The following ADGRV1 variants were observed in gnomAD, a reference collection of about 807,000 sequenced individuals.
ADGRV1 encodes G-protein coupled receptor 98.
A neutral mutation model predicts 596.2 loss-of-function variants in ADGRV1; 359 were observed. The observed-to-expected ratio is 0.60, with a 90% CI of 0.55 to 0.66. The LOEUF is 0.66. ADGRV1 is among the 30% of genes least tolerant of loss of function. ADGRV1 has a pLI of 0.00. For synonymous variants in ADGRV1, 2,681 were observed against 2,679.2 expected (o/e 1.00, Z -0.02); for missense variants, 7,274 against 7,575.6 (o/e 0.96, Z 1.48).
At chr5:90,634,060 T>A (rs1287935006) in intron 9 of ADGRV1, among the ~76,000 whole-genome samples, 1 of 152,082 alleles carries the variant, frequency 6.6e-6, no homozygotes, top group East Asian at 1.9e-4. Flanking sequence ...CTTTAAAGAG[T>A]GGCAGAGACA....
chr5:90,879,344 C>T (rs961836883), intron 83 of ADGRV1, among the ~76,000 whole-genome samples: 1 of 152,056 alleles, frequency 6.6e-6, no homozygotes, highest in Non-Finnish European at 1.5e-5. Context: ...AGTATCAGTA[C>T]ACAGGGTGAA....
At chr5:90,645,683 G>C (rs1272355192) in intron 15 of ADGRV1, among the ~76,000 whole-genome samples, 1 of 152,090 alleles carries the variant, frequency 6.6e-6, no homozygotes, top group Non-Finnish European at 1.5e-5. Flanking sequence ...TATGACCTCT[G>C]TGGTATATCA....
rs763411569 is a variant in ADGRV1 at position 90,637,720 on chromosome 5, A to T, written c.2017-5A>T. The T allele has an allele frequency of 6.4e-7, 1 of 1,565,870 alleles. No homozygotes were observed. On this transcript the variant is annotated splice_region_variant and splice_polypyrimidine_tract_variant and intron_variant, in intron 10 of 89. Transcript: ENST00000405460. Reference sequence around the variant, plus strand: ...GAAATTGTTCTGTTCTTTTCTTTTTATAAGGTATACATTCCCTTACATCGG... The same window carrying T: ...GAAATTGTTCTGTTCTTTTCTTTTTTTAAGGTATACATTCCCTTACATCGG...
intron 34 of ADGRV1, among the ~76,000 whole-genome samples, chr5:90,700,209 A>G (rs1271205896): frequency 6.6e-6 from 1 of 152,182 alleles, no homozygotes; most frequent in Admixed American, 6.5e-5. Flanking sequence ...TTCAGAGATA[A>G]CCGCTAAACA....
chr5:90,662,936 T>G (rs1341321631), intron 21 of ADGRV1, among the ~76,000 whole-genome samples: 1 of 150,970 alleles, frequency 6.6e-6, no homozygotes, highest in African/African-American at 2.4e-5. Context: ...ACAAAGGACA[T>G]GAACTCATCA....
At chr5:90,865,950 T>C (rs1473677306) in intron 83 of ADGRV1, among the ~76,000 whole-genome samples, 2 of 152,134 alleles carry the variant, frequency 1.3e-5, no homozygotes, top group East Asian at 3.9e-4. Context: ...AATGTTATAT[T>C]GTCATTTTTG....
At chr5:90,817,441 G>T (rs1366460511) in intron 75 of ADGRV1, among the ~76,000 whole-genome samples, 5,292 of 148,002 alleles carry the variant, frequency 0.036, 300 homozygotes, top group African/African-American at 0.12. Context: ...GTCAATTTTG[G>T]CTTTTGTTGC....
At chr5:90,779,362 T>C in intron 64 of ADGRV1, 1 of 221,258 alleles carries the variant, frequency 4.5e-6, no homozygotes, top group African/African-American at 2.3e-5. Flanking sequence ...GCCAGGAAGT[T>C]GAATATGATA....
chr5:91,127,239 T>C (rs1205694867), intron 87 of ADGRV1, among the ~76,000 whole-genome samples: 2 of 152,156 alleles, frequency 1.3e-5, no homozygotes, highest in Non-Finnish European at 2.9e-5. Context: ...GACTTCATAT[T>C]TGTCAAATAA....
At chr5:90,654,106 A>T in intron 20 of ADGRV1, 154 bp downstream of exon 20, 1 of 795,220 alleles carries the variant, frequency 1.3e-6, no homozygotes, top group South Asian at 1.7e-5. Flanking sequence ...GCCTACCAAG[A>T]TAATGAGAAA....
intron 70 of ADGRV1, among the ~76,000 whole-genome samples, chr5:90,798,459 A>G (rs1760990730): frequency 6.6e-6 from 1 of 152,236 alleles, no homozygotes; most frequent in Non-Finnish European, 1.5e-5. Context: ...AAAAAAGTCC[A>G]GGCCAAGACG....
chr5:90,884,844 G>T (rs1200426926), intron 83 of ADGRV1, among the ~76,000 whole-genome samples: 2 of 152,096 alleles, frequency 1.3e-5, no homozygotes, highest in South Asian at 4.1e-4. Context: ...AAATCCTTCA[G>T]TCCCAAGCAA....
At chr5:91,055,570 T>C (rs10065773) in intron 85 of ADGRV1, among the ~76,000 whole-genome samples, 1,786 of 152,288 alleles carry the variant, frequency 0.012, 30 homozygotes, top group African/African-American at 0.041. Flanking sequence ...CTTTCACCCA[T>C]AGTCACAAAG....
intron 84 of ADGRV1, among the ~76,000 whole-genome samples, chr5:90,975,240 T>C (rs1156669562): frequency 1.3e-5 from 2 of 152,058 alleles, no homozygotes; most frequent in African/African-American, 4.8e-5. Flanking sequence ...GGAACACTTT[T>C]ACACTGTTGG....
intron 85 of ADGRV1, among the ~76,000 whole-genome samples, chr5:91,008,129 A>G (rs1042840843): frequency 2.6e-5 from 4 of 152,216 alleles, no homozygotes; most frequent in African/African-American, 9.6e-5. Context: ...ATAAATAAAT[A>G]TTAGGTCATA....
intron 48 of ADGRV1, among the ~76,000 whole-genome samples, chr5:90,727,796 C>T (rs1384268298): frequency 6.6e-6 from 1 of 152,140 alleles, no homozygotes; most frequent in East Asian, 1.9e-4. Flanking sequence ...CCTTAACTCT[C>T]ATCATTCTCC....
intron 83 of ADGRV1, among the ~76,000 whole-genome samples, chr5:90,894,561 C>G (rs966994671): frequency 2.0e-5 from 3 of 152,142 alleles, no homozygotes; most frequent in Non-Finnish European, 4.4e-5. Context: ...GCTCCCATGA[C>G]AACACTTTAT....
At chr5:90,910,996 A>G (rs747952601) in intron 83 of ADGRV1, among the ~76,000 whole-genome samples, 1 of 152,146 alleles carries the variant, frequency 6.6e-6, no homozygotes, top group African/African-American at 2.4e-5. Flanking sequence ...GATGATGTTA[A>G]CCTAGTATGA....
intron 85 of ADGRV1, among the ~76,000 whole-genome samples, chr5:91,020,610 A>G (rs1335796324): frequency 1.3e-5 from 2 of 151,978 alleles, no homozygotes; most frequent in Non-Finnish European, 2.9e-5. Context: ...CCATTCCAGC[A>G]TTTGCAGACT....
Sources: gnomAD v4.1 joint callset for allele counts (sites outside exome capture counted in the v4.1 genomes callset) on GRCh38, gnomAD v4.1.1 for gene constraint, MANE v1.5 for transcripts, NCBI Gene and HGNC (gene_info 2026-07-23, HGNC 2026-07-21) for gene names.